Variants in MBP observed in about 807,000 individuals in gnomAD.
MBP encodes Golli-MBP.
MBP carries 16 observed loss-of-function variants against 35.8 expected under a neutral mutation model. The observed-to-expected ratio is 0.45, with a 90% CI of 0.30 to 0.68. The LOEUF is 0.68. MBP is among the 30% of genes least tolerant of loss of function. The pLI is 0.08. For missense variants in MBP, 380 were observed against 404.7 expected, an observed-to-expected ratio of 0.94 and a Z score of 0.52; for synonymous variants, 143 against 159.6, an observed-to-expected ratio of 0.90 and a Z score of 0.78.
At chr18:76,987,815 G>A in intron 7 of MBP, 1 of 1,039,324 alleles carries the variant, frequency 9.6e-7, no homozygotes, top group Non-Finnish European at 1.2e-6. Context: ...TATAATGATT[G>A]GCATTTTAAT....
intron 4 of MBP, chr18:77,003,627 T>C (rs1429156306): frequency 1.3e-5 from 2 of 152,230 alleles, no homozygotes; most frequent in African/African-American, 4.8e-5. Flanking sequence ...GTATATTTGA[T>C]ATAATTTTTT....
intron 3 of MBP, among the ~76,000 whole-genome samples, chr18:77,028,905 G>A (rs1390593768): frequency 2.8e-5 from 3 of 108,210 alleles, no homozygotes; most frequent in African/African-American, 8.6e-5. Context: ...ATGGCGGCCG[G>A]GCAGAGACTC....
At chr18:77,083,370 TC>T (rs1443684783) in intron 2 of MBP, among the ~76,000 whole-genome samples, 6 of 152,216 alleles carry the variant, frequency 3.9e-5, no homozygotes. Flanking sequence ...AGGACCCTTT[TC>T]TTTGACCTTT....
intron 4 of MBP, among the ~76,000 whole-genome samples, chr18:76,995,935 G>T (rs552539393): frequency 6.6e-6 from 1 of 152,142 alleles, no homozygotes; most frequent in East Asian, 1.9e-4. Flanking sequence ...TGCAAATTAC[G>T]TATCTGACAA....
intron 1 of MBP, among the ~76,000 whole-genome samples, chr18:77,117,289 G>A (rs1305355031): frequency 6.6e-6 from 1 of 152,198 alleles, no homozygotes; most frequent in East Asian, 1.9e-4. Flanking sequence ...CACCTAGCAT[G>A]CATGGTGTAT....
At chr18:76,999,587 G>T (rs963715890) in intron 4 of MBP, among the ~76,000 whole-genome samples, 130 of 152,028 alleles carry the variant, frequency 8.6e-4, no homozygotes, top group Non-Finnish European at 1.4e-3. Context: ...CCAAGTAGCT[G>T]GGATTACAGG....
At chr18:77,077,314 C>A (rs967022799) in intron 2 of MBP, among the ~76,000 whole-genome samples, 1 of 135,416 alleles carries the variant, frequency 7.4e-6, no homozygotes, top group East Asian at 2.2e-4. Flanking sequence ...GTGAGCACTG[C>A]AGGCTGCACT....
intron 2 of MBP, among the ~76,000 whole-genome samples, chr18:77,074,464 T>G (rs1028654064): frequency 6.6e-6 from 1 of 152,172 alleles, no homozygotes; most frequent in African/African-American, 2.4e-5. Flanking sequence ...CGTAGGATTC[T>G]TTTTCTTTGG....
At chr18:77,050,797 C>G (rs28729533) in intron 3 of MBP, among the ~76,000 whole-genome samples, 1 of 152,138 alleles carries the variant, frequency 6.6e-6, no homozygotes, top group Non-Finnish European at 1.5e-5. Context: ...CTGCCCGCCT[C>G]GGACTCCCAA....
At chr18:76,996,580 G>A (rs1163704915) in intron 4 of MBP, among the ~76,000 whole-genome samples, 1 of 152,148 alleles carries the variant, frequency 6.6e-6, no homozygotes, top group Non-Finnish European at 1.5e-5. Flanking sequence ...CAGCTTAGAG[G>A]CCTCTCCAAG....
intron 1 of MBP, among the ~76,000 whole-genome samples, chr18:77,112,447 T>TCGTGCATAACGGGGAGGG (rs1463772998): frequency 2.0e-5 from 3 of 152,204 alleles, no homozygotes; most frequent in African/African-American, 4.8e-5. Context: ...TTCCCAGCCC[T>TCGTGCATAACGGGGAGGG]CGTGCATAAC....
intron 4 of MBP, among the ~76,000 whole-genome samples, chr18:77,007,024 A>T (rs553756145): frequency 8.5e-5 from 13 of 152,210 alleles, no homozygotes; most frequent in Non-Finnish European, 1.8e-4. Context: ...CAGGGCAGGG[A>T]GTTCTTGGTT....
intron 4 of MBP, chr18:77,004,134 C>T (rs1970782042): frequency 1.3e-5 from 2 of 152,178 alleles, no homozygotes; most frequent in Admixed American, 6.5e-5. Context: ...TCTTACTCTC[C>T]ATCCCCCTGA....
At chr18:77,118,884 C>A (rs1187060597) in intron 1 of MBP, among the ~76,000 whole-genome samples, 1 of 151,386 alleles carries the variant, frequency 6.6e-6, no homozygotes, top group East Asian at 1.9e-4. Flanking sequence ...TTCACACACA[C>A]CAGACACACA....
chr18:77,018,677 C>T (rs1971817451), intron 3 of MBP, among the ~76,000 whole-genome samples: 1 of 147,730 alleles, frequency 6.8e-6, no homozygotes, highest in Admixed American at 6.7e-5. Context: ...TCCATCTATC[C>T]ATCCATTCCA....
intron 2 of MBP, among the ~76,000 whole-genome samples, chr18:77,071,372 T>C: frequency 6.6e-6 from 1 of 151,832 alleles, no homozygotes; most frequent in Non-Finnish European, 1.5e-5. Flanking sequence ...AATGCTGCAT[T>C]TCCCTTAAAA....
chr18:77,002,239 G>A (rs890841251), intron 4 of MBP, among the ~76,000 whole-genome samples: 1 of 152,176 alleles, frequency 6.6e-6, no homozygotes, highest in Admixed American at 6.5e-5. Flanking sequence ...CTCTCCACCT[G>A]GGCCTCCCAT....
chr18:76,990,096 C>T, intron 4 of MBP, 36 bp from the exon 5 acceptor site: 5 of 1,414,512 alleles, frequency 3.5e-6, no homozygotes, highest in Non-Finnish European at 4.0e-6. Context: ...CAGGACAAGT[C>T]CACAGTCCCT....
intron 3 of MBP, among the ~76,000 whole-genome samples, chr18:77,023,888 T>A (rs1972091814): frequency 6.6e-6 from 1 of 152,208 alleles, no homozygotes; most frequent in South Asian, 2.1e-4. Flanking sequence ...AGTGACCTCC[T>A]CTCCGAGGGC....
Sources: gnomAD v4.1 joint callset for allele counts (sites outside exome capture counted in the v4.1 genomes callset) on GRCh38, gnomAD v4.1.1 for gene constraint, MANE v1.5 for transcripts, NCBI Gene and HGNC (gene_info 2026-07-23, HGNC 2026-07-21) for gene names.